The following SLC35F4 variants were observed in gnomAD, a reference collection of about 807,000 sequenced individuals.
The protein encoded by SLC35F4 is solute carrier family 35 member F4, also known as chromosome 14 open reading frame 36.
A neutral mutation model predicts 44.2 loss-of-function variants in SLC35F4; 24 were observed. The observed-to-expected ratio is 0.54, with a 90% CI of 0.39 to 0.76. SLC35F4 has a LOEUF of 0.76. Ranked by LOEUF, SLC35F4 falls within the 30% of genes least tolerant of loss-of-function variation. SLC35F4 has a pLI of 0.00. For missense variants in SLC35F4, 562 were observed against 586.1 expected (o/e 0.96, Z 0.42); for synonymous variants, 238 against 223.6 (o/e 1.06, Z -0.57).
upstream of SLC35F4, among the ~76,000 whole-genome samples, chr14:57,870,124 C>CTGTGTGTGTGTGTGTGTGTG (rs34282878): frequency 6.8e-6 from 1 of 146,078 alleles, no homozygotes; most frequent in African/African-American, 2.5e-5. Flanking sequence ...TGTCTATGAT[C>CTGTGTGTGTGTGTGTGTGTG]TGTGTGTGTG....
At position 57,608,033 on chromosome 14, in the gene SLC35F4, G is replaced by A. The variant is rs74753137; in HGVS notation, c.104-13909C>T. 6.2e-4 allele frequency among the ~76,000 whole-genome samples: 95 copies of A among 152,238 alleles called. 2 individuals carry two copies. The East Asian group carries it at 0.017, about 27-fold the overall frequency. Reference sequence around the variant, plus strand: ...AAGGGTAATGAATGCAGTCTTAGACGTGGTGAGTTTAAGTGCATGAAACTC... The same window carrying A: ...AAGGGTAATGAATGCAGTCTTAGACATGGTGAGTTTAAGTGCATGAAACTC... On this transcript the variant is annotated intron_variant, in intron 1 of 7. Transcript: ENST00000556826.
At chr14:57,643,955 G>T (rs1400709970) in intron 1 of SLC35F4, among the ~76,000 whole-genome samples, 6 of 151,950 alleles carry the variant, frequency 3.9e-5, no homozygotes, top group African/African-American at 7.2e-5. Flanking sequence ...ACTCATCCTT[G>T]TTTATGGCTG....
intron 1 of SLC35F4, among the ~76,000 whole-genome samples, chr14:57,624,993 T>C (rs982627455): frequency 2.6e-5 from 4 of 152,114 alleles, no homozygotes; most frequent in African/African-American, 9.7e-5. Flanking sequence ...GGTATTCCAA[T>C]AGAAAAAGAG....
At chr14:57,622,554 T>C (rs1177176619) in intron 1 of SLC35F4, among the ~76,000 whole-genome samples, 4 of 150,560 alleles carry the variant, frequency 2.7e-5, no homozygotes, top group African/African-American at 7.3e-5. Context: ...TCATTCTCAG[T>C]AAACTATCGC....
At chr14:57,759,622 G>C (rs1304370339) in intron 1 of SLC35F4, among the ~76,000 whole-genome samples, 1 of 152,116 alleles carries the variant, frequency 6.6e-6, no homozygotes, top group East Asian at 1.9e-4. Context: ...TTACATAGTG[G>C]TTACATAGAG....
intron 1 of SLC35F4, among the ~76,000 whole-genome samples, chr14:57,816,695 A>G (rs2140900328): frequency 6.6e-6 from 1 of 152,344 alleles, no homozygotes; most frequent in African/African-American, 2.4e-5. Flanking sequence ...AATTTAAGAA[A>G]GTACTCACTT....
At chr14:57,877,085 G>A (rs892911271) in intron 1 of SLC35F4, among the ~76,000 whole-genome samples, 4 of 151,932 alleles carry the variant, frequency 2.6e-5, no homozygotes, top group East Asian at 1.9e-4. Flanking sequence ...ACGGGTTCAC[G>A]GTACAGATAA....
chr14:57,981,714 T>A (rs1034842226), intron 1 of SLC35F4, among the ~76,000 whole-genome samples: 8 of 152,174 alleles, frequency 5.3e-5, no homozygotes, highest in African/African-American at 1.9e-4. Context: ...CCCAAAGGAA[T>A]ACCTTCAAAG....
At chr14:57,691,688 G>C (rs2075235222) in intron 1 of SLC35F4, among the ~76,000 whole-genome samples, 2 of 152,082 alleles carry the variant, frequency 1.3e-5, no homozygotes, top group South Asian at 4.1e-4. Context: ...TATTTATTTA[G>C]TGACTGCCAT....
intron 1 of SLC35F4, among the ~76,000 whole-genome samples, chr14:57,805,849 G>GA (rs1881255855): frequency 6.6e-6 from 1 of 152,164 alleles, no homozygotes; most frequent in Non-Finnish European, 1.5e-5. Context: ...AATGTTAAAT[G>GA]AAAAAAGCAG....
chr14:57,823,205 T>A (rs1168569937), intron 1 of SLC35F4, among the ~76,000 whole-genome samples: 1 of 152,092 alleles, frequency 6.6e-6, no homozygotes, highest in Non-Finnish European at 1.5e-5. Flanking sequence ...TGGATTGTGC[T>A]CCTTACTCAC....
At chr14:57,707,278 C>T (rs540842571) in intron 1 of SLC35F4, among the ~76,000 whole-genome samples, 41 of 152,274 alleles carry the variant, frequency 2.7e-4, no homozygotes, top group African/African-American at 9.6e-4. Context: ...ACCGAAATCT[C>T]ATCTTGAATT....
At chr14:57,847,280 T>C (rs1886117242) in intron 1 of SLC35F4, among the ~76,000 whole-genome samples, 1 of 152,180 alleles carries the variant, frequency 6.6e-6, no homozygotes, top group African/African-American at 2.4e-5. Flanking sequence ...TAGTCTGTTT[T>C]AACTGGTATG....
At chr14:57,700,398 T>C (rs921367727) in intron 1 of SLC35F4, among the ~76,000 whole-genome samples, 2 of 152,192 alleles carry the variant, frequency 1.3e-5, no homozygotes, top group Non-Finnish European at 2.9e-5. Flanking sequence ...GAGCAACTGG[T>C]AAGTGGATGT....
In SLC35F4 at chr14:57,746,594, A is replaced by T. The variant is rs372259545; in HGVS notation, c.103+119129T>A. On this transcript the variant is annotated intron_variant, in intron 1 of 7. Coordinates refer to ENST00000556826, the MANE Select transcript of SLC35F4 (RefSeq NM_001306087.2). ...TATCTATTTCATGAGGGATATCAGT[A>T]TGTAATTGTTTTTTCTTGTCATATC... Among the ~76,000 whole-genome samples the T allele has an allele frequency of 2.9e-4, 44 of 152,234 alleles. No individual in the cohort carries two copies. In the South Asian group the frequency reaches 9.1e-3, roughly 32 times the overall value.
At chr14:57,845,815 A>G (rs1885972769) in intron 1 of SLC35F4, among the ~76,000 whole-genome samples, 1 of 152,180 alleles carries the variant, frequency 6.6e-6, no homozygotes, top group Admixed American at 6.5e-5. Flanking sequence ...TTATCAAGCA[A>G]TCAAACTGGA....
chr14:57,672,559 A>G (rs4143888), intron 1 of SLC35F4, among the ~76,000 whole-genome samples: 35,581 of 151,980 alleles, frequency 0.23, 4,219 homozygotes, highest in South Asian at 0.31. Flanking sequence ...TCAGGTCAGT[A>G]TTAATACTAC....
intron 1 of SLC35F4, among the ~76,000 whole-genome samples, chr14:57,629,299 AT>A (rs1046225535): frequency 2.0e-5 from 3 of 152,018 alleles, no homozygotes; most frequent in Admixed American, 6.6e-5. Flanking sequence ...TCCACTAAAA[AT>A]TTTTTTTAAA....
chr14:57,619,395 A>C (rs2072048080), intron 1 of SLC35F4, among the ~76,000 whole-genome samples: 1 of 133,696 alleles, frequency 7.5e-6, no homozygotes, highest in South Asian at 2.1e-4. Flanking sequence ...ATACCCAGGC[A>C]AAAAAGGTCT....
Sources: allele counts gnomAD v4.1 joint callset (sites outside exome capture counted in the v4.1 genomes callset), GRCh38; gene constraint gnomAD v4.1.1; transcripts MANE v1.5; gene names NCBI Gene and HGNC (gene_info 2026-07-23, HGNC 2026-07-21).